Variants in RBM47 observed in about 807,000 individuals in gnomAD.
RBM47 encodes the protein RNA binding motif protein 47.
In RBM47, 21 loss-of-function variants were observed where a neutral mutation model predicts 47.1. The ratio of observed to expected loss-of-function variants is 0.45; its 90% confidence interval spans 0.32 to 0.64. The LOEUF (loss-of-function observed/expected upper bound fraction) is 0.64, where lower values mean the gene tolerates loss of function less well. Among genes scored for constraint, RBM47 ranks in the 30% least tolerant of loss-of-function variants. RBM47 has a pLI of 0.05. For missense variants in RBM47, 708 were observed against 870.9 expected, an observed-to-expected ratio of 0.81 and a Z score of 2.35; for synonymous variants, 375 against 361.7, an observed-to-expected ratio of 1.04 and a Z score of -0.42.
At chr4:40,541,358 T>G (rs1728523373) in intron 2 of RBM47, among the ~76,000 whole-genome samples, 1 of 152,128 alleles carries the variant, frequency 6.6e-6, no homozygotes, top group African/African-American at 2.4e-5. Context: ...GTTCCTTTTG[T>G]GTATACATGA....
intron 1 of RBM47, among the ~76,000 whole-genome samples, chr4:40,560,682 C>T (rs773115087): frequency 2.6e-4 from 39 of 152,118 alleles, no homozygotes; most frequent in Admixed American, 5.9e-4. Flanking sequence ...AAAGTTGCTG[C>T]TAGGCTGGGC....
chr4:40,498,054 TTATATA>T lies in RBM47; in HGVS notation c.-154-31361_-154-31356del, dbSNP rs6148409. Among the ~76,000 whole-genome samples, 265 of 109,790 alleles carry T rather than the reference TTATATA, an allele frequency of 2.4e-3. 17 individuals are homozygous for T. Among genetic ancestry groups the T allele is most frequent in the Non-Finnish European group, 4.1e-3 (205 of 49,556 alleles). 72.0% of individuals were successfully genotyped at this position (109,790 alleles called of 152,430 possible). A position where few individuals can be genotyped will look rare whatever the true frequency, so the allele number is the denominator to read the frequency against. ...TGCAAATAAAATGTAAGTGCTTGTTTTATATATATATATATATATATATATGTTTAT... is the reference window on the plus strand; with the variant it reads ...TGCAAATAAAATGTAAGTGCTTGTTTTATATATATATATATATATGTTTAT... On this transcript the variant is annotated intron_variant, in intron 2 of 6. Transcript: ENST00000295971.
intron 2 of RBM47, among the ~76,000 whole-genome samples, chr4:40,505,886 CAAAAA>C (rs199994772): frequency 6.2e-5 from 5 of 80,328 alleles, no homozygotes; most frequent in African/African-American, 1.9e-4. Context: ...GAGTCTGTCT[CAAAAA>C]AAACAAAACA....
At chr4:40,596,134 C>T (rs1407896275) in intron 1 of RBM47, among the ~76,000 whole-genome samples, 1 of 152,154 alleles carries the variant, frequency 6.6e-6, no homozygotes. Flanking sequence ...GGAGCAGGGA[C>T]GTGACTATCC....
chr4:40,530,672 G>A (rs1727302627), intron 2 of RBM47, among the ~76,000 whole-genome samples: 1 of 152,154 alleles, frequency 6.6e-6, no homozygotes, highest in African/African-American at 2.4e-5. Context: ...GACATCACAG[G>A]TCTAAAATAA....
At chr4:40,588,867 G>C (rs1733845099) in intron 1 of RBM47, among the ~76,000 whole-genome samples, 1 of 151,536 alleles carries the variant, frequency 6.6e-6, no homozygotes, top group Non-Finnish European at 1.5e-5. Flanking sequence ...TGGCCGACGT[G>C]TTTGCTGTTA....
chr4:40,446,447 T>C (rs1714535094), intron 3 of RBM47, among the ~76,000 whole-genome samples: 1 of 152,120 alleles, frequency 6.6e-6, no homozygotes, highest in Non-Finnish European at 1.5e-5. Context: ...ACAAGAAAAC[T>C]GAACTTAAGG....
intron 2 of RBM47, among the ~76,000 whole-genome samples, chr4:40,491,237 T>A (rs1184430283): frequency 2.0e-5 from 3 of 152,212 alleles, no homozygotes; most frequent in Admixed American, 1.3e-4. Context: ...AATAGTCTTT[T>A]GAAGAAATTA....
At chr4:40,599,269 AAAAG>A (rs2154276898) in intron 1 of RBM47, among the ~76,000 whole-genome samples, 1 of 151,876 alleles carries the variant, frequency 6.6e-6, no homozygotes, top group Non-Finnish European at 1.5e-5. Flanking sequence ...AAAAAAAAAA[AAAAG>A]AAAGAGAAGT....
intron 3 of RBM47, among the ~76,000 whole-genome samples, chr4:40,459,688 C>A (rs1716816799): frequency 6.6e-6 from 1 of 152,136 alleles, no homozygotes. Context: ...CCGAAAGGAG[C>A]CCATCAGAGA....
At chr4:40,508,843 A>G (rs992392797) in intron 2 of RBM47, among the ~76,000 whole-genome samples, 7 of 152,198 alleles carry the variant, frequency 4.6e-5, no homozygotes, top group Non-Finnish European at 8.8e-5. Flanking sequence ...CCTTTATGTT[A>G]TACACTTCAA....
At chr4:40,431,621 G>A (rs983599494) in intron 6 of RBM47, among the ~76,000 whole-genome samples, 5 of 149,842 alleles carry the variant, frequency 3.3e-5, no homozygotes, top group East Asian at 4.0e-4. Flanking sequence ...TGGCGCCACT[G>A]CGCTCCAGCC....
At chr4:40,435,925 G>A (rs1232838817) in intron 5 of RBM47, among the ~76,000 whole-genome samples, 1 of 149,676 alleles carries the variant, frequency 6.7e-6, no homozygotes, top group Non-Finnish European at 1.5e-5. Flanking sequence ...TTGGGAGGCC[G>A]AGACGGGTGG....
At chr4:40,558,522 T>TCC (rs1730305776) in intron 1 of RBM47, among the ~76,000 whole-genome samples, 1 of 38,728 alleles carries the variant, frequency 2.6e-5, no homozygotes, top group Admixed American at 2.9e-4. Flanking sequence ...CTATTAAAAC[T>TCC]ACAAAAAAAA....
At chr4:40,474,568 C>T (rs1258908013) in intron 2 of RBM47, among the ~76,000 whole-genome samples, 1 of 152,156 alleles carries the variant, frequency 6.6e-6, no homozygotes, top group Non-Finnish European at 1.5e-5. Flanking sequence ...GTGATATGTA[C>T]ATTAAAAAAT....
In RBM47 at chr4:40,438,429, G is replaced by A. The variant is rs1027590780; in HGVS notation, c.465C>T (p.Ile155=). ...CCSVDNCRLF[I]GGIPKMKKRE... The stretch of plus-strand genomic sequence containing the variant: ...GCTTCTTCATCTTGGGGATCCCGCC[G>A]ATGAAGAGGCGGCAGTTGTCCACGC... Residue 155 remains isoleucine, a synonymous_variant, in exon 4 of 7, where the codon ATC becomes ATT. Transcript: ENST00000295971. The A allele has an allele frequency of 2.5e-6, 4 of 1,613,598 alleles. No homozygotes were observed. Among genetic ancestry groups the A allele is most frequent in the African/African-American group, 2.7e-5 (2 of 75,068 alleles).
At chr4:40,540,266 C>T (rs2639290) in intron 2 of RBM47, among the ~76,000 whole-genome samples, 78,859 of 151,922 alleles carry the variant, frequency 0.52, 23,993 homozygotes, top group African/African-American at 0.86. Flanking sequence ...GTACAATTAT[C>T]ATTTGTCAAT....
At chr4:40,458,416 A>G (rs1279402150) in intron 3 of RBM47, among the ~76,000 whole-genome samples, 1 of 152,242 alleles carries the variant, frequency 6.6e-6, no homozygotes, top group African/African-American at 2.4e-5. Flanking sequence ...TTCATTGACC[A>G]GTTATCTCAA....
rs1389831402 is a variant in RBM47 at position 40,424,778 on chromosome 4, G to A, written c.*1126C>T. 1 of 152,088 alleles carries A rather than the reference G, an allele frequency of 6.6e-6. No homozygotes were observed. Among genetic ancestry groups the A allele is most frequent in the Non-Finnish European group, 1.5e-5 (1 of 68,016 alleles). The allele number at this position is 152,088 out of a possible 1,614,324, so 9.4% of individuals were successfully genotyped here. ...TTTCTGCTGAAAAGAGTCTCTGGGG[G>A]TCTTGTCTACGATAACATACATTCT... is the stretch of plus-strand genomic sequence containing the variant. On this transcript the variant is annotated 3_prime_UTR_variant, in exon 7 of 7. Coordinates refer to ENST00000295971, the MANE Select transcript of RBM47 (RefSeq NM_001098634.2).
Sources: allele counts gnomAD v4.1 joint callset (sites outside exome capture counted in the v4.1 genomes callset), GRCh38; gene constraint gnomAD v4.1.1; transcripts MANE v1.5; gene names NCBI Gene and HGNC (gene_info 2026-07-23, HGNC 2026-07-21).